Variants in ENTREP1 observed in about 807,000 individuals in gnomAD.
The protein encoded by ENTREP1 is endosomal transmembrane epsin interactor 1, also known as Friedreich ataxia region gene X123.
At chr9:69,333,723 T>C in the ENTREP1 span, among the ~76,000 whole-genome samples, 1 of 152,232 alleles carries the variant, frequency 6.6e-6, no homozygotes, top group Non-Finnish European at 1.5e-5. Flanking sequence ...TCATATTTTT[T>C]ACTGAATTGG....
At chr9:69,336,197 T>C in the ENTREP1 span, 63 of 1,430,224 alleles carry the variant, frequency 4.4e-5, no homozygotes, top group Non-Finnish European at 5.9e-5. Context: ...ATATTTATGA[T>C]AGTTTATCCT....
At chr9:69,377,282 G>A in the ENTREP1 span, 1 of 844,644 alleles carries the variant, frequency 1.2e-6, no homozygotes, top group South Asian at 1.4e-5. Context: ...TATGGAGGCA[G>A]CGTTATTATT....
At chr9:69,349,506 T>C in the ENTREP1 span, among the ~76,000 whole-genome samples, 1 of 152,230 alleles carries the variant, frequency 6.6e-6, no homozygotes, top group African/African-American at 2.4e-5. Flanking sequence ...GTGATTTTGA[T>C]TTGATGTTCA....
At chr9:69,337,027 T>C in the ENTREP1 span, among the ~76,000 whole-genome samples, 1 of 134,710 alleles carries the variant, frequency 7.4e-6, no homozygotes, top group Non-Finnish European at 1.6e-5. Context: ...TTTTTTTTTT[T>C]TTTTTTTGAT....
At chr9:69,391,626 C>T in the ENTREP1 span, 10 of 1,614,072 alleles carry the variant, frequency 6.2e-6, no homozygotes, top group East Asian at 2.2e-4. Context: ...CAGCCCAGCA[C>T]ATCCAGGGCC....
chr9:69,344,260 T>C, the ENTREP1 span, among the ~76,000 whole-genome samples: 9 of 152,168 alleles, frequency 5.9e-5, no homozygotes, highest in Admixed American at 4.6e-4. Flanking sequence ...CGGTCCTATC[T>C]GTGTGTGTGC....
the ENTREP1 span, among the ~76,000 whole-genome samples, chr9:69,357,510 G>A: frequency 2.0e-5 from 3 of 152,176 alleles, no homozygotes; most frequent in East Asian, 1.9e-4. Flanking sequence ...ACAGCAACGG[G>A]CCTGTGTTTG....
the ENTREP1 span, among the ~76,000 whole-genome samples, chr9:69,331,080 G>A: frequency 0.74 from 112,764 of 151,944 alleles, 42,015 homozygotes; most frequent in South Asian, 0.8. Context: ...AGATAGGGAA[G>A]AAATACACAC....
the ENTREP1 span, among the ~76,000 whole-genome samples, chr9:69,331,870 A>G: frequency 6.6e-6 from 1 of 152,188 alleles, no homozygotes; most frequent in Non-Finnish European, 1.5e-5. Context: ...GCATTGTGGC[A>G]TAATGGGAGC....
At chr9:69,343,945 A>G in the ENTREP1 span, among the ~76,000 whole-genome samples, 230 of 152,336 alleles carry the variant, frequency 1.5e-3, 1 homozygote, top group African/African-American at 5.4e-3. Context: ...ACATAATATC[A>G]CATTGCCAGT....
At chr9:69,358,902 CTTTT>C in the ENTREP1 span, among the ~76,000 whole-genome samples, 6 of 96,326 alleles carry the variant, frequency 6.2e-5, no homozygotes, top group Admixed American at 1.1e-4. Flanking sequence ...CTTTTTCTTT[CTTTT>C]TTTTTTTTTT....
chr9:69,345,673 G>T, the ENTREP1 span, among the ~76,000 whole-genome samples: 2 of 152,178 alleles, frequency 1.3e-5, no homozygotes, highest in Non-Finnish European at 2.9e-5. Flanking sequence ...CACAATCTTG[G>T]CCTTCTGCAA....
the ENTREP1 span, among the ~76,000 whole-genome samples, chr9:69,377,009 A>G: frequency 6.6e-6 from 1 of 152,274 alleles, no homozygotes; most frequent in South Asian, 2.1e-4. Context: ...GGGAATTGCT[A>G]TCCCTGGGGA....
the ENTREP1 span, chr9:69,388,131 G>C: frequency 6.2e-7 from 1 of 1,614,076 alleles, no homozygotes; most frequent in Non-Finnish European, 8.5e-7. Context: ...TGGCCAATGG[G>C]TACATGTTGT....
the ENTREP1 span, chr9:69,377,758 G>T: frequency 3.7e-6 from 6 of 1,604,420 alleles, no homozygotes; most frequent in African/African-American, 5.3e-5. Context: ...TCGTTCCTGA[G>T]TTCCCCTGCA....
the ENTREP1 span, among the ~76,000 whole-genome samples, chr9:69,354,929 T>G: frequency 6.9e-3 from 1,056 of 152,304 alleles, 52 homozygotes; most frequent in Admixed American, 0.063. Flanking sequence ...AACCGTTCCC[T>G]CCTTTGAGAT....
chr9:69,351,015 G>A, the ENTREP1 span, among the ~76,000 whole-genome samples: 1 of 152,172 alleles, frequency 6.6e-6, no homozygotes, highest in Non-Finnish European at 1.5e-5. Context: ...CATTTGAGAA[G>A]CTAAGCATTT....
chr9:69,384,427 T>C, the ENTREP1 span, among the ~76,000 whole-genome samples: 15 of 152,226 alleles, frequency 9.9e-5, no homozygotes, highest in East Asian at 7.7e-4. Flanking sequence ...CAGAGTTTGA[T>C]TGATATTCCT....
At chr9:69,329,792 A>G in the ENTREP1 span, 3 of 858,606 alleles carry the variant, frequency 3.5e-6, no homozygotes, top group East Asian at 3.7e-4. Flanking sequence ...ACTAGATTCC[A>G]CTGGGGTGTG....
Sources: allele counts gnomAD v4.1 joint callset (sites outside exome capture counted in the v4.1 genomes callset), GRCh38; gene constraint gnomAD v4.1.1; transcripts MANE v1.5; gene names NCBI Gene and HGNC (gene_info 2026-07-23, HGNC 2026-07-21).